ICE1: variants seen among roughly 807,000 people sequenced by gnomAD.
ICE1 encodes little elongation complex subunit 1.
A neutral mutation model predicts 192.7 loss-of-function variants in ICE1; 64 were observed. That is an observed-to-expected ratio of 0.33 (90% confidence interval 0.27 to 0.41). ICE1 has a LOEUF of 0.41. ICE1 is among the 10% of genes least tolerant of loss of function. The pLI is 1.00. For synonymous variants in ICE1, 1,010 were observed against 984.5 expected, an observed-to-expected ratio of 1.03 and a Z score of -0.49; for missense variants, 2,708 against 2,696.0, an observed-to-expected ratio of 1.00 and a Z score of -0.10.
At chr5:5,443,730 A>G (rs866334377) in intron 6 of ICE1, among the ~76,000 whole-genome samples, 4 of 152,212 alleles carry the variant, frequency 2.6e-5, no homozygotes, top group Middle Eastern at 3.2e-3. Context: ...CCCCTTGATC[A>G]TTGAGGTTCA....
At chr5:5,445,459 G>C (rs886805528) in intron 7 of ICE1, among the ~76,000 whole-genome samples, 2 of 151,502 alleles carry the variant, frequency 1.3e-5, no homozygotes, top group Non-Finnish European at 2.9e-5. Context: ...TTTGAGACAG[G>C]GTCTCTCTCT....
chr5:5,434,632 A>G (rs2111338199), intron 1 of ICE1, among the ~76,000 whole-genome samples: 1 of 152,284 alleles, frequency 6.6e-6, no homozygotes, highest in African/African-American at 2.4e-5. Flanking sequence ...TAGTGGTAAA[A>G]ACAAATTAAG....
chr5:5,433,583 G>A (rs957733392), intron 1 of ICE1, among the ~76,000 whole-genome samples: 1 of 152,088 alleles, frequency 6.6e-6, no homozygotes, highest in African/African-American at 2.4e-5. Flanking sequence ...TGGTTTTAGG[G>A]AGGGAAATAA....
intron 17 of ICE1, among the ~76,000 whole-genome samples, chr5:5,477,722 C>A (rs187208585): frequency 1.7e-4 from 26 of 152,116 alleles, no homozygotes; most frequent in African/African-American, 6.0e-4. Flanking sequence ...AACATCGATG[C>A]GAAAATCCTC....
In ICE1 at chr5:5,462,139, A is replaced by G. The variant is rs1661601917; in HGVS notation, c.2805A>G (p.Leu935=). 6.2e-7 allele frequency: 1 copy of G among 1,613,942 alleles called. No homozygotes were observed. The highest frequency in any genetic ancestry group is 1.7e-5 in the Admixed American group (1 of 60,020). Residue 935 remains leucine (L), a synonymous_variant, in exon 13 of 19, where the codon TTA becomes TTG. Transcript: ENST00000296564. ...AAGTTTCTGCCTCTAGGAGAAAATT[A>G]GATTTTAATTCTCCAGGTGGTTCTT... ...SPEVSASRRK[L]DFNSPGGSSP...
intron 11 of ICE1, 94 bp downstream of exon 11, chr5:5,454,732 T>C: frequency 1.3e-6 from 1 of 789,680 alleles, no homozygotes; most frequent in Non-Finnish European, 2.1e-6. Context: ...AGCTCCTGAT[T>C]CTAACATTGA....
intron 1 of ICE1, among the ~76,000 whole-genome samples, chr5:5,426,040 G>A (rs1737508156): frequency 6.6e-6 from 1 of 152,226 alleles, no homozygotes; most frequent in African/African-American, 2.4e-5. Context: ...TCAGAACTAG[G>A]AGTGTTCAGC....
intron 1 of ICE1, among the ~76,000 whole-genome samples, chr5:5,423,297 G>C (rs1014276379): frequency 2.6e-5 from 4 of 152,114 alleles, no homozygotes; most frequent in Admixed American, 1.3e-4. Flanking sequence ...ACCCGGCCTC[G>C]GAGCTCCCTA....
chr5:5,449,896 T>C (rs1047216780), intron 10 of ICE1, among the ~76,000 whole-genome samples: 2 of 152,216 alleles, frequency 1.3e-5, no homozygotes, highest in African/African-American at 4.8e-5. Flanking sequence ...GAAAACAAGA[T>C]GTTTATATAC....
Position 5,461,008 on chromosome 5 carries a change from G to A in ICE1, c.1674G>A (p.Ser558=), listed in dbSNP as rs377419983. The change falls in exon 13 of 19, where the codon TCG becomes TCA. Residue 558 remains serine, a synonymous_variant. Coordinates refer to ENST00000296564, the MANE Select transcript of ICE1 (RefSeq NM_015325.3). ...CCGTATTGTCTAAAATGATGGGATCGCCCAAATCAGAGTTTACTAAGTGGA... is the reference window on the plus strand; with the variant it reads ...CCGTATTGTCTAAAATGATGGGATCACCCAAATCAGAGTTTACTAAGTGGA... ...GKTVLSKMMG[S]PKSEFTKWTR... 1.8e-4 allele frequency: 292 copies of A among 1,613,904 alleles called. No homozygotes were observed. The highest frequency in any genetic ancestry group is 3.1e-4 in the African/African-American group (23 of 74,936).
chr5:5,446,001 G>A (rs1738211606), intron 7 of ICE1, among the ~76,000 whole-genome samples: 2 of 151,772 alleles, frequency 1.3e-5, no homozygotes, highest in African/African-American at 2.4e-5. Context: ...TTACAGGCGT[G>A]AGTCACCGCG....
At chr5:5,482,113 G>A (rs560449543) in intron 17 of ICE1, among the ~76,000 whole-genome samples, 82 of 152,256 alleles carry the variant, frequency 5.4e-4, no homozygotes, top group South Asian at 1.2e-3. Context: ...TTAAGAATAT[G>A]TTAATAGTTT....
chr5:5,479,287 A>G (rs1003826299), intron 17 of ICE1, among the ~76,000 whole-genome samples: 3 of 152,244 alleles, frequency 2.0e-5, no homozygotes, highest in Non-Finnish European at 2.9e-5. Context: ...GGCAAAGGAT[A>G]CGAACAGACA....
At chr5:5,468,737 A>G in intron 14 of ICE1, 91 bp from the exon 15 acceptor site, 1 of 750,040 alleles carries the variant, frequency 1.3e-6, no homozygotes, top group South Asian at 3.0e-5. Flanking sequence ...CCTGCAAGGC[A>G]CCAGTGAAAT....
At position 5,422,709 on chromosome 5, in the gene ICE1, A is replaced by C; in HGVS notation, c.-207A>C. 82 of 312,488 alleles carry C rather than the reference A, an allele frequency of 2.6e-4. No homozygotes were observed. Among genetic ancestry groups the C allele is most frequent in the Non-Finnish European group, 2.4e-4 (42 of 172,606 alleles). 19.4% of individuals were successfully genotyped at this position (312,488 alleles called of 1,614,324 possible). A position where few individuals can be genotyped will look rare whatever the true frequency, so the allele number is the denominator to read the frequency against. On this transcript the variant is annotated 5_prime_UTR_variant, in exon 1 of 19. Transcript: ENST00000296564. ...GTCGCGCTCGGGGGCCGCGCCGGGT[A>C]GCGTTTCTTTTTAGTGCCTGAGGCA...
At chr5:5,473,096 T>A (rs1003192042) in intron 15 of ICE1, among the ~76,000 whole-genome samples, 1 of 152,232 alleles carries the variant, frequency 6.6e-6, no homozygotes, top group East Asian at 1.9e-4. Flanking sequence ...TAACACATTA[T>A]ACACAGGTGT....
At chr5:5,450,116 G>C (rs1439018627) in intron 10 of ICE1, among the ~76,000 whole-genome samples, 1 of 152,208 alleles carries the variant, frequency 6.6e-6, no homozygotes, top group East Asian at 1.9e-4. Context: ...AAAGAGAAAA[G>C]CAACAGACGC....
intron 12 of ICE1, 96 bp from the exon 13 acceptor site, chr5:5,460,340 C>A: frequency 1.2e-6 from 1 of 847,316 alleles, no homozygotes; most frequent in Non-Finnish European, 1.8e-6. Flanking sequence ...AAAGATTCTT[C>A]AGGAAACGTG....
At chr5:5,484,133 G>C (rs1739575806) in intron 17 of ICE1, among the ~76,000 whole-genome samples, 2 of 152,128 alleles carry the variant, frequency 1.3e-5, no homozygotes, top group Non-Finnish European at 2.9e-5. Flanking sequence ...CATACCTTCT[G>C]TGGGGAGCTC....
Sources: gnomAD v4.1 joint callset for allele counts (sites outside exome capture counted in the v4.1 genomes callset) on GRCh38, gnomAD v4.1.1 for gene constraint, MANE v1.5 for transcripts, NCBI Gene and HGNC (gene_info 2026-07-23, HGNC 2026-07-21) for gene names.